The following EXOC4 variants were observed in gnomAD, a reference collection of about 807,000 sequenced individuals.
EXOC4 encodes SEC8-like 1.
In EXOC4, 71 loss-of-function variants were observed where a neutral mutation model predicts 107.2. The ratio of observed to expected loss-of-function variants is 0.66; its 90% confidence interval spans 0.55 to 0.81. The LOEUF is 0.81. EXOC4 is among the 30% of genes least tolerant of loss of function. The probability of loss-of-function intolerance (pLI) is 0.00; values close to 1 mark genes in which losing one functional copy is unlikely to be tolerated. For missense variants in EXOC4, 1,108 were observed against 1,189.6 expected (o/e 0.93, Z 1.01); for synonymous variants, 456 against 441.2 (o/e 1.03, Z -0.42).
intron 9 of EXOC4, among the ~76,000 whole-genome samples, chr7:133,561,514 A>T (rs1800803576): frequency 6.6e-6 from 1 of 152,144 alleles, no homozygotes; most frequent in African/African-American, 2.4e-5. Flanking sequence ...GTTTTCCTTC[A>T]TTTTTAAATG....
chr7:133,352,654 A>G (rs1795937208), intron 5 of EXOC4, among the ~76,000 whole-genome samples: 1 of 152,000 alleles, frequency 6.6e-6, no homozygotes, highest in Non-Finnish European at 1.5e-5. Flanking sequence ...AATTACTGAT[A>G]AGGAATGACT....
chr7:133,646,647 ATTATT>A (rs1246301961), intron 10 of EXOC4, among the ~76,000 whole-genome samples: 1 of 152,134 alleles, frequency 6.6e-6, no homozygotes, highest in Non-Finnish European at 1.5e-5. Context: ...TATTTCTGAT[ATTATT>A]TTATTTGATG....
intron 9 of EXOC4, among the ~76,000 whole-genome samples, chr7:133,570,990 A>G (rs554354322): frequency 6.6e-6 from 1 of 152,220 alleles, no homozygotes; most frequent in East Asian, 1.9e-4. Context: ...TCCCATCTTT[A>G]CTCCTGTTGA....
At chr7:134,076,648 A>G in the EXOC4 span, among the ~76,000 whole-genome samples, 1 of 151,608 alleles carries the variant, frequency 6.6e-6, no homozygotes, top group African/African-American at 2.4e-5. Context: ...TATCCAACAT[A>G]TAAACAAAAA....
At chr7:133,588,719 C>G (rs1014941301) in intron 9 of EXOC4, among the ~76,000 whole-genome samples, 2 of 151,998 alleles carry the variant, frequency 1.3e-5, no homozygotes, top group African/African-American at 2.4e-5. Flanking sequence ...ATGGTAAAAC[C>G]CTGTCTCTAC....
Position 133,388,863 on chromosome 7 carries a change from G to A in EXOC4, c.1182+13861G>A, listed in dbSNP as rs1410824274. 2.0e-5 allele frequency among the ~76,000 whole-genome samples: 3 copies of A among 151,956 alleles called. No individual in the cohort carries two copies. In the East Asian group the frequency reaches 5.8e-4, roughly 29 times the overall value. ...ATCTGTCATTTTATTTTTATCCCTT[G>A]AAATTTATTTATTGAAGAAACTATA... On this transcript the variant is annotated intron_variant, in intron 7 of 17. Transcript: ENST00000253861.
chr7:133,766,587 A>C (rs1796142938), intron 10 of EXOC4, among the ~76,000 whole-genome samples: 1 of 151,998 alleles, frequency 6.6e-6, no homozygotes, highest in African/African-American at 2.4e-5. Flanking sequence ...AACATGGCCA[A>C]ACCACCAGCT....
intron 10 of EXOC4, among the ~76,000 whole-genome samples, chr7:133,694,823 G>T (rs1794497451): frequency 2.6e-5 from 4 of 151,984 alleles, no homozygotes; most frequent in Admixed American, 2.6e-4. Context: ...CTGCATTTTT[G>T]TACCTATTAA....
intron 9 of EXOC4, among the ~76,000 whole-genome samples, chr7:133,596,092 T>C (rs1466726325): frequency 6.6e-6 from 1 of 152,258 alleles, no homozygotes; most frequent in Non-Finnish European, 1.5e-5. Flanking sequence ...TTCATATGCA[T>C]TTCATCTGTG....
At chr7:133,849,640 C>G (rs1408746130) in intron 11 of EXOC4, among the ~76,000 whole-genome samples, 2 of 152,218 alleles carry the variant, frequency 1.3e-5, no homozygotes, top group Non-Finnish European at 2.9e-5. Context: ...CAGCACATCA[C>G]TATTCTTATC....
intron 10 of EXOC4, among the ~76,000 whole-genome samples, chr7:133,714,508 T>C (rs1794960410): frequency 6.6e-6 from 1 of 152,226 alleles, no homozygotes; most frequent in Admixed American, 6.5e-5. Context: ...TTTCCATTCA[T>C]ATTATAATGA....
intron 17 of EXOC4, among the ~76,000 whole-genome samples, chr7:134,026,645 A>G (rs1430178319): frequency 1.3e-5 from 2 of 152,122 alleles, no homozygotes; most frequent in Admixed American, 1.3e-4. Flanking sequence ...TTAGGTGTCA[A>G]AGAAGATAGA....
At chr7:134,074,054 C>G in the EXOC4 span, among the ~76,000 whole-genome samples, 1 of 152,184 alleles carries the variant, frequency 6.6e-6, no homozygotes, top group Non-Finnish European at 1.5e-5. Flanking sequence ...TTGCCTGACA[C>G]GAGGTCCTGC....
At chr7:133,502,406 CAT>C (rs1799592380) in intron 9 of EXOC4, among the ~76,000 whole-genome samples, 1 of 152,124 alleles carries the variant, frequency 6.6e-6, no homozygotes, top group African/African-American at 2.4e-5. Flanking sequence ...GTTTTTCTCT[CAT>C]AAATTTTTCT....
At chr7:133,484,082 A>G (rs1423004731) in intron 9 of EXOC4, 3 of 1,613,830 alleles carry the variant, frequency 1.9e-6, no homozygotes, top group Non-Finnish European at 2.5e-6. Flanking sequence ...TCAAAGTAAC[A>G]TTAAAAAGCT....
At chr7:133,311,585 G>C (rs1365377419) in intron 4 of EXOC4, among the ~76,000 whole-genome samples, 1 of 152,088 alleles carries the variant, frequency 6.6e-6, no homozygotes, top group African/African-American at 2.4e-5. Flanking sequence ...TTAGGAAAAC[G>C]TGTAGGAGGA....
At chr7:133,960,715 G>A (rs969754446) in intron 14 of EXOC4, among the ~76,000 whole-genome samples, 2 of 152,046 alleles carry the variant, frequency 1.3e-5, no homozygotes, top group Non-Finnish European at 1.5e-5. Flanking sequence ...TATTGGATTC[G>A]GTTAGCTAGT....
At chr7:133,694,858 C>G (rs984261342) in intron 10 of EXOC4, among the ~76,000 whole-genome samples, 7 of 152,102 alleles carry the variant, frequency 4.6e-5, no homozygotes, top group African/African-American at 1.7e-4. Context: ...TCTTCCCTTC[C>G]CACTACCTTT....
intron 2 of EXOC4, among the ~76,000 whole-genome samples, chr7:133,287,079 G>A (rs947379564): frequency 6.6e-6 from 1 of 152,160 alleles, no homozygotes; most frequent in South Asian, 2.1e-4. Flanking sequence ...GATTTCTCTG[G>A]CCTGCTAATT....
Sources: allele counts gnomAD v4.1 joint callset (sites outside exome capture counted in the v4.1 genomes callset), GRCh38; gene constraint gnomAD v4.1.1; transcripts MANE v1.5; gene names NCBI Gene and HGNC (gene_info 2026-07-23, HGNC 2026-07-21).